DMD: variants seen among roughly 807,000 people sequenced by gnomAD.
DMD encodes mutant dystrophin.
In DMD, 63 loss-of-function variants were observed where a neutral mutation model predicts 330.1. That is an observed-to-expected ratio of 0.19 (90% CI 0.16 to 0.24). The LOEUF (loss-of-function observed/expected upper bound fraction) is 0.24. Among genes scored for constraint, DMD ranks in the 10% least tolerant of loss-of-function variants. The pLI is 1.00. For missense variants in DMD, 3,344 were observed against 2,684.1 expected (o/e 1.25, Z -5.43); for synonymous variants, 1,223 against 959.8 (o/e 1.27, Z -5.07).
intron 13 of DMD, among the ~76,000 whole-genome samples, chrX:32,595,411 GTTATT>G (rs1473126250): frequency 2.7e-5 from 3 of 111,571 alleles, no homozygotes; most frequent in African/African-American, 9.8e-5. Context: ...GCTTTCAATT[GTTATT>G]TTAAATGGAA....
At chrX:31,509,226 T>C (rs1245454507) in intron 55 of DMD, among the ~76,000 whole-genome samples, 1 of 111,971 alleles carries the variant, frequency 8.9e-6, no homozygotes, top group Non-Finnish European at 1.9e-5. Flanking sequence ...TTTGGTCAAA[T>C]ATATAGCCAT....
chrX:31,221,639 CTTTAT>C (rs2046050071), intron 64 of DMD, among the ~76,000 whole-genome samples: 1 of 113,115 alleles, frequency 8.8e-6, no homozygotes, highest in Non-Finnish European at 1.9e-5. Context: ...GACAAGATCA[CTTTAT>C]TTTTTTAACC....
intron 9 of DMD, among the ~76,000 whole-genome samples, chrX:32,651,447 C>T (rs73621817): frequency 0.084 from 9,343 of 111,780 alleles, 930 homozygotes; most frequent in African/African-American, 0.29. Context: ...CCGGCCCTCA[C>T]GTAACTTCTT....
In DMD at chrX:32,495,086, G is replaced by A. The variant is rs143542581; in HGVS notation, c.2381-3568C>T. Among the ~76,000 whole-genome samples, 221 of 112,020 alleles carry A rather than the reference G, an allele frequency of 2.0e-3. 3 individuals are homozygous for A. The South Asian group carries it at 0.058, about 29-fold the overall frequency. On this transcript the variant is annotated intron_variant, in intron 19 of 78. Transcript: ENST00000357033. ...GAAACGAAAACATTTCAAAAAAAAC[G>A]TGGAAATTTCTAGATGTTACTAGAA...
intron 7 of DMD, among the ~76,000 whole-genome samples, chrX:32,803,515 G>C (rs1252305202): frequency 2.8e-5 from 3 of 108,381 alleles, no homozygotes; most frequent in Non-Finnish European, 5.7e-5. Flanking sequence ...GAATTTGTTT[G>C]CTCTTGCTGC....
chrX:32,562,105 T>A (rs1286809051), intron 16 of DMD, among the ~76,000 whole-genome samples: 1 of 111,837 alleles, frequency 8.9e-6, no homozygotes, highest in African/African-American at 3.2e-5. Flanking sequence ...TTATAAAAAA[T>A]TACAGGGAAT....
intron 43 of DMD, among the ~76,000 whole-genome samples, chrX:32,285,050 A>C (rs975581649): frequency 8.9e-6 from 1 of 112,499 alleles, no homozygotes; most frequent in African/African-American, 3.2e-5. Flanking sequence ...CCCAGTGAGA[A>C]GGGAATACCT....
intron 1 of DMD, among the ~76,000 whole-genome samples, chrX:33,067,833 A>T (rs747347270): frequency 8.9e-6 from 1 of 112,091 alleles, no homozygotes; most frequent in East Asian, 2.8e-4. Flanking sequence ...CGACAGAGCC[A>T]GACTCTGTCT....
intron 29 of DMD, among the ~76,000 whole-genome samples, chrX:32,425,714 G>A (rs768763273): frequency 9.0e-6 from 1 of 111,313 alleles, no homozygotes; most frequent in Admixed American, 9.6e-5. Flanking sequence ...GCTAGTGGAG[G>A]CATCATGTTA....
chrX:32,171,451 C>A (rs750096484), intron 44 of DMD, among the ~76,000 whole-genome samples: 1 of 111,754 alleles, frequency 8.9e-6, no homozygotes, highest in East Asian at 2.8e-4. Flanking sequence ...ATTAATCCTT[C>A]TTTTAATGCT....
intron 33 of DMD, among the ~76,000 whole-genome samples, chrX:32,385,849 T>A (rs2097954329): frequency 9.0e-6 from 1 of 110,520 alleles, no homozygotes; most frequent in Non-Finnish European, 1.9e-5. Flanking sequence ...ATTTTTAAAC[T>A]TAATGTGGTC....
At chrX:31,123,574 GTATC>G (rs1156260659) in intron 78 of DMD, among the ~76,000 whole-genome samples, 1 of 111,891 alleles carries the variant, frequency 8.9e-6, no homozygotes, top group Non-Finnish European at 1.9e-5. Context: ...GGCTTCCCCT[GTATC>G]TATTTTTGGC....
Position 32,487,520 on chromosome X carries a change from GC to G in DMD, c.2623-2422del, listed in dbSNP as rs774096991. 8.1e-5 allele frequency among the ~76,000 whole-genome samples: 9 copies of G among 110,598 alleles called. No homozygotes were observed. The South Asian group carries it at 3.0e-3, about 37-fold the overall frequency. Reference sequence around the variant, plus strand: ...GCTTCCTGAAAATCAAAGTGAAAAGGCAAAAAAAAAGTTAATATTTATGGAG... The same window carrying G: ...GCTTCCTGAAAATCAAAGTGAAAAGGAAAAAAAAAGTTAATATTTATGGAG... On this transcript the variant is annotated intron_variant, in intron 20 of 78. Transcript: ENST00000357033.
intron 55 of DMD, among the ~76,000 whole-genome samples, chrX:31,519,462 T>C (rs1253955064): frequency 1.8e-5 from 2 of 112,260 alleles, no homozygotes; most frequent in Non-Finnish European, 3.8e-5. Flanking sequence ...ATGTAGGTAA[T>C]TCCCTCTGGC....
intron 2 of DMD, among the ~76,000 whole-genome samples, chrX:32,871,435 T>C (rs765558218): frequency 5.4e-5 from 6 of 111,133 alleles, no homozygotes; most frequent in Non-Finnish European, 7.5e-5. Flanking sequence ...CTTCCCTCAT[T>C]CTTGGAAGCT....
intron 2 of DMD, among the ~76,000 whole-genome samples, chrX:32,965,150 CTA>C (rs1222287923): frequency 9.0e-6 from 1 of 111,065 alleles, no homozygotes; most frequent in African/African-American, 3.3e-5. Flanking sequence ...GAGAGGAGTC[CTA>C]TAGGATAATT....
chrX:32,523,128 A>G (rs781066562), intron 17 of DMD, among the ~76,000 whole-genome samples: 3 of 111,587 alleles, frequency 2.7e-5, no homozygotes, highest in African/African-American at 3.3e-5. Flanking sequence ...TTGAATTGAC[A>G]TTGCTCTTGT....
rs1400111467 is a variant in DMD, at chrX:33,009,377, T to C, written c.93+10762A>G. ...ATGTGTGTATATGTGTATATGTGTA[T>C]ATACACGTGTATATATGTGTGTATA... On this transcript the variant is annotated intron_variant, in intron 2 of 78. Coordinates refer to ENST00000357033, the MANE Select transcript of DMD (RefSeq NM_004006.3). 8.5e-5 allele frequency among the ~76,000 whole-genome samples: 5 copies of C among 58,716 alleles called. 2 individuals are homozygous for C. Among genetic ancestry groups the C allele is most frequent in the African/African-American group, 3.7e-4 (5 of 13,543 alleles). 51.0% of individuals were successfully genotyped at this position (58,716 alleles called of 115,157 possible).
At chrX:32,336,165 A>G (rs1226958646) in intron 41 of DMD, among the ~76,000 whole-genome samples, 1 of 109,548 alleles carries the variant, frequency 9.1e-6, no homozygotes, top group Non-Finnish European at 1.9e-5. Context: ...CTGTGTGTGT[A>G]TAACATGTGT....
Sources: gnomAD v4.1 joint callset for allele counts (sites outside exome capture counted in the v4.1 genomes callset) on GRCh38, gnomAD v4.1.1 for gene constraint, MANE v1.5 for transcripts, NCBI Gene and HGNC (gene_info 2026-07-23, HGNC 2026-07-21) for gene names.